Variants in ANO4 observed in about 807,000 individuals in gnomAD.
The protein encoded by ANO4 is anoctamin 4, also known as anoctamin-4.
In ANO4, 69 loss-of-function variants were observed where a neutral mutation model predicts 141.9. The observed-to-expected ratio is 0.49, with a 90% CI of 0.40 to 0.59. ANO4 has a LOEUF of 0.59. Among genes scored for constraint, ANO4 ranks in the 20% least tolerant of loss-of-function variants. ANO4 has a pLI of 0.00. For synonymous variants in ANO4, 350 were observed against 394.3 expected (o/e 0.89, Z 1.33); for missense variants, 894 against 1,162.2 (o/e 0.77, Z 3.36).
At chr12:101,090,243 A>G (rs1436138438) in intron 17 of ANO4, among the ~76,000 whole-genome samples, 4 of 152,248 alleles carry the variant, frequency 2.6e-5, no homozygotes, top group Middle Eastern at 3.2e-3. Context: ...CCATCCCATT[A>G]CTGGGCATAT....
At chr12:101,013,311 C>T (rs1212686520) in intron 8 of ANO4, among the ~76,000 whole-genome samples, 1 of 152,152 alleles carries the variant, frequency 6.6e-6, no homozygotes, top group East Asian at 1.9e-4. Flanking sequence ...ACTTTATAGT[C>T]TCACTTTGTG....
At chr12:100,968,113 GTTA>G (rs2043758925) in intron 5 of ANO4, among the ~76,000 whole-genome samples, 1 of 151,676 alleles carries the variant, frequency 6.6e-6, no homozygotes, top group Non-Finnish European at 1.5e-5. Context: ...AAATAATATT[GTTA>G]TTATTTAAAT....
intron 1 of ANO4, among the ~76,000 whole-genome samples, chr12:100,872,560 T>C (rs1002622530): frequency 6.6e-6 from 1 of 152,220 alleles, no homozygotes; most frequent in Admixed American, 6.6e-5. Flanking sequence ...TAAAAACAAA[T>C]GCAAGTACAA....
intron 14 of ANO4, among the ~76,000 whole-genome samples, chr12:101,051,733 A>C (rs1702335516): frequency 6.6e-6 from 1 of 152,232 alleles, no homozygotes; most frequent in African/African-American, 2.4e-5. Context: ...CAGTAGCTAG[A>C]AAGTGGCAAA....
intron 1 of ANO4, among the ~76,000 whole-genome samples, chr12:100,843,136 G>A (rs2138045): frequency 0.19 from 29,147 of 151,928 alleles, 3,327 homozygotes; most frequent in Middle Eastern, 0.35. Flanking sequence ...CAACACCACC[G>A]CTTACTCTCT....
intron 1 of ANO4, among the ~76,000 whole-genome samples, chr12:100,876,278 CAAA>C (rs79799106): frequency 1.1e-5 from 1 of 91,952 alleles, no homozygotes; most frequent in Non-Finnish European, 2.2e-5. Context: ...ATATAAAGAC[CAAA>C]AAAAAAAAAA....
At position 100,906,018 on chromosome 12, in the gene ANO4, T is replaced by C. The variant is rs2040829357; in HGVS notation, c.55+4178T>C. ...GGAGAAAGAGAGAGAGAAAGAAAGA[T>C]ATGGAGAGGGGAAATATGTTTGCCA... On this transcript the variant is annotated intron_variant, in intron 2 of 27. Coordinates refer to ENST00000392977, the MANE Select transcript of ANO4 (RefSeq NM_001286615.2). Among the ~76,000 whole-genome samples, 9 of 152,198 alleles carry C rather than the reference T, an allele frequency of 5.9e-5. No homozygotes were observed. The South Asian group carries it at 1.9e-3, about 32-fold the overall frequency.
At chr12:101,067,925 GA>G (rs1234581463) in intron 14 of ANO4, among the ~76,000 whole-genome samples, 1 of 152,046 alleles carries the variant, frequency 6.6e-6, no homozygotes, top group African/African-American at 2.4e-5. Context: ...TTGGGATTAG[GA>G]AAAAAATCCT....
intron 8 of ANO4, among the ~76,000 whole-genome samples, chr12:101,002,114 C>A (rs1483834915): frequency 6.6e-6 from 1 of 152,158 alleles, no homozygotes; most frequent in Non-Finnish European, 1.5e-5. Flanking sequence ...GTGGAAGCAG[C>A]CACTTAGATG....
chr12:101,038,957 T>A (rs985198867), intron 10 of ANO4: 8 of 152,130 alleles, frequency 5.3e-5, no homozygotes, highest in African/African-American at 1.7e-4. Context: ...CTCCACTTAA[T>A]ATGAATAATT....
intron 13 of ANO4, among the ~76,000 whole-genome samples, chr12:101,047,281 T>A (rs35076711): frequency 0.14 from 20,573 of 151,844 alleles, 1,565 homozygotes; most frequent in East Asian, 0.22. Flanking sequence ...AACAACAAAC[T>A]CTGATAGATA....
chr12:100,903,567 A>C (rs866121735), intron 2 of ANO4, among the ~76,000 whole-genome samples: 1 of 152,196 alleles, frequency 6.6e-6, no homozygotes, highest in African/African-American at 2.4e-5. Flanking sequence ...TGCATCAATC[A>C]AGGTTCAATC....
chr12:100,960,414 T>C (rs1592845280), intron 5 of ANO4, among the ~76,000 whole-genome samples: 1 of 152,216 alleles, frequency 6.6e-6, no homozygotes, highest in East Asian at 1.9e-4. Flanking sequence ...GTATAACCTT[T>C]AGGTAAAAAC....
intron 3 of ANO4, among the ~76,000 whole-genome samples, chr12:100,782,672 C>T (rs753052390): frequency 7.2e-5 from 11 of 152,188 alleles, no homozygotes; most frequent in Non-Finnish European, 1.6e-4. Flanking sequence ...TTATCTGGAA[C>T]ATGGGGATAA....
chr12:100,791,040 T>C (rs1420254229), upstream of ANO4, among the ~76,000 whole-genome samples: 1 of 152,228 alleles, frequency 6.6e-6, no homozygotes, highest in Non-Finnish European at 1.5e-5. Context: ...TCTTTCCCTC[T>C]ATAGTATTAT....
intron 12 of ANO4, 134 bp from the exon 13 acceptor site, chr12:101,043,405 C>T (rs1235312750): frequency 1.7e-6 from 1 of 603,488 alleles, no homozygotes; most frequent in Non-Finnish European, 2.9e-6. Flanking sequence ...ACATTAATAA[C>T]AGATAAAGCT....
intron 14 of ANO4, among the ~76,000 whole-genome samples, chr12:101,057,955 G>A (rs1405704786): frequency 6.6e-6 from 1 of 152,116 alleles, no homozygotes; most frequent in Non-Finnish European, 1.5e-5. Flanking sequence ...TGTCCTGAAT[G>A]GTATTGCCTA....
intron 1 of ANO4, among the ~76,000 whole-genome samples, chr12:100,811,954 A>G (rs1468407609): frequency 6.6e-6 from 1 of 152,084 alleles, no homozygotes; most frequent in African/African-American, 2.4e-5. Context: ...ATACAGACTT[A>G]TGTCATAGTG....
Position 101,126,972 on chromosome 12 carries a change from AT to A in ANO4, c.2772del (p.Gln925ArgfsTer3). ...RDRMRREKYL[I>X]QEMMYEAELE... ...TCGAATGAGAAGAGAGAAGTACTTG[AT>A]TCAGGAGATGATGTATGAAGCAGAA... On this transcript the variant is annotated frameshift_variant, in exon 27 of 28. Transcript: ENST00000392977. LOFTEE classifies it high-confidence loss of function. The A allele has an allele frequency of 6.2e-7, 1 of 1,614,174 alleles. No homozygotes were observed. The highest frequency in any genetic ancestry group is 8.5e-7 in the Non-Finnish European group (1 of 1,180,018).
Sources: allele counts gnomAD v4.1 joint callset (sites outside exome capture counted in the v4.1 genomes callset), GRCh38; gene constraint gnomAD v4.1.1; transcripts MANE v1.5; gene names NCBI Gene and HGNC (gene_info 2026-07-23, HGNC 2026-07-21).